The following SNTN variants were observed in gnomAD, a reference collection of about 807,000 sequenced individuals.
SNTN encodes the protein sentan, cilia apical structure protein.
SNTN carries 13 observed loss-of-function variants against 12.3 expected under a neutral mutation model. The observed-to-expected ratio is 1.05, with a 90% CI of 0.69 to 1.67. The LOEUF (loss-of-function observed/expected upper bound fraction) is 1.67. SNTN is among the 40% of genes most tolerant of loss of function. SNTN has a pLI of 0.00. For missense variants in SNTN, 189 were observed against 169.8 expected (o/e 1.11, Z -0.63); for synonymous variants, 69 against 58.5 (o/e 1.18, Z -0.82).
At chr3:63,657,502 G>A (rs953935370) in intron 2 of SNTN, among the ~76,000 whole-genome samples, 4 of 152,146 alleles carry the variant, frequency 2.6e-5, no homozygotes, top group African/African-American at 4.8e-5. Flanking sequence ...ACGCCTCACC[G>A]AATATCATCA....
At position 63,665,004 on chromosome 3, in the gene SNTN, C is replaced by T. The variant is rs1451871297; in HGVS notation, c.*909C>T. 6.6e-6 allele frequency among the ~76,000 whole-genome samples: 1 copy of T among 152,118 alleles called. No individual in the cohort carries two copies. The highest frequency in any genetic ancestry group is 1.5e-5 in the Non-Finnish European group (1 of 68,020). On this transcript the variant is annotated 3_prime_UTR_variant, in exon 4 of 4. Coordinates refer to ENST00000343837, the MANE Select transcript of SNTN (RefSeq NM_001080537.2). ...CTCCTGACCTCAGGTGATCCGCCCA[C>T]AGCCTCCCAAAGTGCTGGGATTACA...
At chr3:63,663,689 T>G in intron 3 of SNTN, 1 of 611,754 alleles carries the variant, frequency 1.6e-6, no homozygotes, top group Admixed American at 2.2e-5. Flanking sequence ...GATCTGTTCA[T>G]ACACCAGCTC....
At chr3:63,661,941 GA>G (rs1350730748) in intron 3 of SNTN, among the ~76,000 whole-genome samples, 1 of 152,086 alleles carries the variant, frequency 6.6e-6, no homozygotes, top group African/African-American at 2.4e-5. Context: ...AACACCAGGG[GA>G]AAAGAATTAA....
intron 2 of SNTN, 95 bp from the exon 3 acceptor site, chr3:63,659,630 G>A: frequency 7.0e-7 from 1 of 1,437,768 alleles, no homozygotes. Flanking sequence ...AGATTTAGAA[G>A]GTTCCCTACA....
intron 2 of SNTN, among the ~76,000 whole-genome samples, chr3:63,658,534 G>T (rs542188802): frequency 6.6e-6 from 1 of 151,618 alleles, no homozygotes; most frequent in Admixed American, 6.6e-5. Context: ...TAGATCGTAA[G>T]ATCTATGAGA....
At chr3:63,663,092 T>A (rs1344982521) in intron 3 of SNTN, among the ~76,000 whole-genome samples, 1 of 152,194 alleles carries the variant, frequency 6.6e-6, no homozygotes, top group African/African-American at 2.4e-5. Context: ...AACGAACCCA[T>A]AGAAGATACC....
At chr3:63,655,971 C>G (rs564821441) in intron 2 of SNTN, among the ~76,000 whole-genome samples, 1 of 152,264 alleles carries the variant, frequency 6.6e-6, no homozygotes, top group East Asian at 1.9e-4. Flanking sequence ...TTGAGAAGCA[C>G]TGGGAAAATT....
chr3:63,662,152 T>C (rs1700749756), intron 3 of SNTN, among the ~76,000 whole-genome samples: 1 of 152,158 alleles, frequency 6.6e-6, no homozygotes, highest in Admixed American at 6.5e-5. Flanking sequence ...TTCTCTGCAA[T>C]GTCTGTCAGA....
intron 2 of SNTN, among the ~76,000 whole-genome samples, chr3:63,657,002 A>C (rs925512318): frequency 6.6e-6 from 1 of 152,180 alleles, no homozygotes; most frequent in South Asian, 2.1e-4. Context: ...AGTCATGTGC[A>C]TTCATCCCAG....
rs531098150 is a variant in SNTN at position 63,664,893 on chromosome 3, C to T, written c.*798C>T. ...TCAGCCTCCTGAGTAGCTGGGATTA[C>T]AGGCGTGTGCCACGATGCCAGGCTA... On this transcript the variant is annotated 3_prime_UTR_variant, in exon 4 of 4. Transcript: ENST00000343837. 1.3e-5 allele frequency among the ~76,000 whole-genome samples: 2 copies of T among 152,184 alleles called. No individual in the cohort carries two copies. Among genetic ancestry groups the T allele is most frequent in the Admixed American group, 6.5e-5 (1 of 15,284 alleles).
rs111343679 is a variant in SNTN at position 63,663,967 on chromosome 3, A to G, written c.316A>G (p.Ile106Val). 8 of 1,613,180 alleles carry G rather than the reference A, an allele frequency of 5.0e-6. No individual in the cohort carries two copies. Among genetic ancestry groups the G allele is most frequent in the East Asian group, 2.2e-5 (1 of 44,876 alleles). ...AGAAACCAAGCCAAAATACAGAGAG[A>G]TCCTTTCTGAACTTGATGAGCACAC... ...GQETKPKYRE[I>V]LSELDEHTEN... The change falls in exon 4 of 4, where the codon ATC becomes GTC. Residue 106 changes from isoleucine (I) to valine (V), a missense_variant. By Grantham distance (29) the Ile-to-Val change is conservative (BLOSUM62 3). Transcript: ENST00000343837.
intron 2 of SNTN, 30 bp downstream of exon 2, chr3:63,654,826 T>C: frequency 6.2e-7 from 1 of 1,607,204 alleles, no homozygotes; most frequent in Non-Finnish European, 8.5e-7. Context: ...GATGTACATT[T>C]TTCTCCTCTA....
chr3:63,657,227 A>C (rs1700689358), intron 2 of SNTN, among the ~76,000 whole-genome samples: 1 of 152,198 alleles, frequency 6.6e-6, no homozygotes, highest in African/African-American at 2.4e-5. Flanking sequence ...AAGTACTGAC[A>C]GTGAGCTAGG....
At chr3:63,661,552 A>G (rs2106943662) in intron 3 of SNTN, among the ~76,000 whole-genome samples, 1 of 152,294 alleles carries the variant, frequency 6.6e-6, no homozygotes, top group East Asian at 1.9e-4. Context: ...AGTAAATGTT[A>G]ATAAGGGTTA....
chr3:63,661,202 A>G (rs962545395), intron 3 of SNTN, among the ~76,000 whole-genome samples: 1 of 152,212 alleles, frequency 6.6e-6, no homozygotes, highest in Non-Finnish European at 1.5e-5. Flanking sequence ...GTATATATTC[A>G]TACTTTGGAA....
At chr3:63,661,936 C>G (rs1328215495) in intron 3 of SNTN, among the ~76,000 whole-genome samples, 3 of 152,048 alleles carry the variant, frequency 2.0e-5, no homozygotes, top group African/African-American at 7.2e-5. Context: ...CTCAGAACAC[C>G]AGGGGAAAAG....
chr3:63,653,524 C>G (rs923350479), intron 1 of SNTN, among the ~76,000 whole-genome samples: 15 of 152,098 alleles, frequency 9.9e-5, no homozygotes, highest in Non-Finnish European at 2.1e-4. Context: ...TGAGGAACCC[C>G]TAAAGACAAA....
chr3:63,659,584 C>T, intron 2 of SNTN, 141 bp from the exon 3 acceptor site: 2 of 873,096 alleles, frequency 2.3e-6, no homozygotes, highest in Non-Finnish European at 1.8e-6. Context: ...ATTGGAAACT[C>T]CCACATCCTT....
At chr3:63,652,866 T>C in intron 1 of SNTN, 69 bp downstream of exon 1, 1 of 1,447,864 alleles carries the variant, frequency 6.9e-7, no homozygotes, top group Non-Finnish European at 9.6e-7. Flanking sequence ...AAAGAGTTTA[T>C]GTCAACAGCT....
Sources: allele counts gnomAD v4.1 joint callset (sites outside exome capture counted in the v4.1 genomes callset), GRCh38; gene constraint gnomAD v4.1.1; transcripts MANE v1.5; gene names NCBI Gene and HGNC (gene_info 2026-07-23, HGNC 2026-07-21).